Variants in NOD1 observed in about 807,000 individuals in gnomAD.
NOD1 encodes nucleotide-binding oligomerization domain-containing protein 1.
In NOD1, 70 loss-of-function variants were observed where a neutral mutation model predicts 81.2. The ratio of observed to expected loss-of-function variants is 0.86; its 90% CI spans 0.71 to 1.05. NOD1 has a LOEUF of 1.05. NOD1 is among the 50% of genes least tolerant of loss of function. NOD1 has a pLI of 0.00. For synonymous variants in NOD1, 508 were observed against 526.9 expected (o/e 0.96, Z 0.49); for missense variants, 1,233 against 1,228.0 (o/e 1.00, Z -0.06).
Position 30,437,625 on chromosome 7 carries a change from C to T in NOD1, c.2485G>A (p.Ala829Thr), listed in dbSNP as rs754242215. 6.6e-7 allele frequency: 1 copy of T among 1,511,520 alleles called. No individual in the cohort carries two copies. The highest frequency in any genetic ancestry group is 8.8e-7 in the Non-Finnish European group (1 of 1,142,526). 93.6% of individuals were successfully genotyped at this position (1,511,520 alleles called of 1,614,324 possible). ...MWGNQVGDEG[A>T]KAFAEALRNH... Reference sequence around the variant, plus strand: ...CGCAGAGCCTCTGCGAAGGCTTTTGCTCCTTCATCCCCAACTTGATTGCCC... The same window carrying T: ...CGCAGAGCCTCTGCGAAGGCTTTTGTTCCTTCATCCCCAACTTGATTGCCC... Residue 829 changes from alanine to threonine, a missense_variant, in exon 10 of 14, where the codon GCA (alanine) becomes ACA (threonine). By Grantham distance (58) the Ala-to-Thr change is moderately conservative. Coordinates refer to ENST00000222823, the MANE Select transcript of NOD1 (RefSeq NM_006092.4).
Position 30,425,561 on chromosome 7 carries a change from G to T in NOD1, c.*77C>A. 1 of 1,062,080 alleles carries T rather than the reference G, an allele frequency of 9.4e-7. No homozygotes were observed. Among genetic ancestry groups the T allele is most frequent in the Non-Finnish European group, 1.5e-6 (1 of 676,162 alleles). The allele number at this position is 1,062,080 out of a possible 1,614,324, so 65.8% of individuals were successfully genotyped here. A position where few individuals can be genotyped will look rare whatever the true frequency, so the allele number is the denominator to read the frequency against. Reference sequence around the variant, plus strand: ...CCTGCGCAGGCCCCTTTAAGACACTGACACAAAAGACTGCCCAGAGTGGCA... The same window carrying T: ...CCTGCGCAGGCCCCTTTAAGACACTTACACAAAAGACTGCCCAGAGTGGCA... On this transcript the variant is annotated 3_prime_UTR_variant, in exon 14 of 14. Coordinates refer to ENST00000222823, the MANE Select transcript of NOD1 (RefSeq NM_006092.4).
chr7:30,475,047 T>A (rs571032132), intron 1 of NOD1, among the ~76,000 whole-genome samples: 3 of 152,224 alleles, frequency 2.0e-5, no homozygotes, highest in Non-Finnish European at 4.4e-5. Context: ...TAGGCAGCAA[T>A]CTGGGCATGT....
intron 6 of NOD1, among the ~76,000 whole-genome samples, chr7:30,449,397 C>A (rs1785451102): frequency 6.6e-6 from 1 of 152,144 alleles, no homozygotes; most frequent in Non-Finnish European, 1.5e-5. Context: ...TTAAATTCTG[C>A]CCATACCATT....
Position 30,447,048 on chromosome 7 carries a change from A to C in NOD1, c.2288T>G (p.Leu763Ter). Reference protein sequence around the residue: ...TKYKIVTYLGLYNNQITDVGA... With the variant: ...TKYKIVTYLG ...GACATCGGTGATCTGGTTGTTGTAT[A>C]AACTTCAAGAGAAAGCACAGCCATG... The change falls in exon 8 of 14, where the codon TTA (leucine) becomes TGA (stop). Residue 763 changes from leucine to a stop codon, truncating the protein, a stop_gained and splice_region_variant. Transcript: ENST00000222823. LOFTEE classifies it high-confidence loss of function. 2 of 1,614,026 alleles carry C rather than the reference A, an allele frequency of 1.2e-6. No homozygotes were observed. The highest frequency in any genetic ancestry group is 1.7e-6 in the Non-Finnish European group (2 of 1,179,888).
chr7:30,447,492 G>C (rs560011801), intron 7 of NOD1: 1 of 234,250 alleles, frequency 4.3e-6, no homozygotes. Flanking sequence ...CCATCTCACC[G>C]CTCAATGCCA....
rs1374526740 is a variant in NOD1, at chr7:30,425,384, T to A, written c.*254A>T. The A allele has an allele frequency of 2.0e-6, 1 of 507,298 alleles. No homozygotes were observed. Among genetic ancestry groups the A allele is most frequent in the African/African-American group, 1.9e-5 (1 of 52,236 alleles). The allele number at this position is 507,298 out of a possible 1,614,324, so 31.4% of individuals were successfully genotyped here. Reference sequence around the variant, plus strand: ...AATAATTATAATAGGCAATAAAGTCTCTTCACAGTGTATTTACTGTAACTA... The same window carrying A: ...AATAATTATAATAGGCAATAAAGTCACTTCACAGTGTATTTACTGTAACTA... On this transcript the variant is annotated 3_prime_UTR_variant, in exon 14 of 14. Coordinates refer to ENST00000222823, the MANE Select transcript of NOD1 (RefSeq NM_006092.4).
Position 30,425,275 on chromosome 7 carries a change from T to C in NOD1, c.*363A>G, listed in dbSNP as rs970609898. 1 of 234,490 alleles carries C rather than the reference T, an allele frequency of 4.3e-6. No individual in the cohort carries two copies. The highest frequency in any genetic ancestry group is 2.3e-5 in the African/African-American group (1 of 44,432). The allele number at this position is 234,490 out of a possible 1,614,324, so 14.5% of individuals were successfully genotyped here. On this transcript the variant is annotated 3_prime_UTR_variant, in exon 14 of 14. Transcript: ENST00000222823. ...AAGAGCGGTGACCAACTCGCTCCCG[T>C]TGGTCCCTATGGCAGGTGTTGGAAT...
intron 6 of NOD1, among the ~76,000 whole-genome samples, chr7:30,449,606 G>C (rs1466897367): frequency 6.6e-6 from 1 of 152,226 alleles, no homozygotes; most frequent in African/African-American, 2.4e-5. Context: ...AGGCAGAAGA[G>C]AGCCTGGGCT....
At chr7:30,469,320 A>T in intron 1 of NOD1, 2 of 840,926 alleles carry the variant, frequency 2.4e-6, no homozygotes, top group Non-Finnish European at 2.9e-6. Flanking sequence ...ATCTGAAAGC[A>T]CTTAATCCCT....
At chr7:30,469,465 G>A (rs1788049064) in intron 1 of NOD1, among the ~76,000 whole-genome samples, 1 of 152,044 alleles carries the variant, frequency 6.6e-6, no homozygotes, top group South Asian at 2.1e-4. Context: ...TATAGTGTGA[G>A]CTCCAGACAC....
intron 1 of NOD1, among the ~76,000 whole-genome samples, chr7:30,472,447 G>C (rs1161794737): frequency 6.6e-6 from 1 of 152,204 alleles, no homozygotes; most frequent in Non-Finnish European, 1.5e-5. Flanking sequence ...GTTCTGCTCT[G>C]ATCTCCTGTC....
At position 30,433,127 on chromosome 7, in the gene NOD1, A is replaced by G. The variant is rs770950832; in HGVS notation, c.2674T>C (p.Leu892=). The G allele has an allele frequency of 2.5e-6, 4 of 1,614,078 alleles. No homozygotes were observed. Among genetic ancestry groups the G allele is most frequent in the Non-Finnish European group, 3.4e-6 (4 of 1,179,910 alleles). The change falls in exon 12 of 14, where the codon TTG becomes CTG. Residue 892 remains leucine, a synonymous_variant. Transcript: ENST00000222823. ...DEVAESLAEM[L]KVNQTLKHLW... Reference sequence around the variant, plus strand: ...TGCTTTAACGTCTGGTTGACTTTCAACATTTCTGCCAAACTCTCTGCCACT... The same window carrying G: ...TGCTTTAACGTCTGGTTGACTTTCAGCATTTCTGCCAAACTCTCTGCCACT...
intron 1 of NOD1, among the ~76,000 whole-genome samples, chr7:30,461,451 T>G (rs1364690208): frequency 6.6e-6 from 1 of 152,232 alleles, no homozygotes; most frequent in African/African-American, 2.4e-5. Context: ...GTGCTGGGAT[T>G]ACAGGTGTGA....
intron 11 of NOD1, among the ~76,000 whole-genome samples, chr7:30,435,250 A>C (rs939130647): frequency 1.3e-5 from 2 of 152,194 alleles, no homozygotes; most frequent in African/African-American, 4.8e-5. Flanking sequence ...CAAGTGACAG[A>C]TGAGCTGGAT....
intron 1 of NOD1, chr7:30,468,854 T>C (rs1429685907): frequency 3.0e-6 from 3 of 985,322 alleles, no homozygotes; most frequent in Non-Finnish European, 3.6e-6. Flanking sequence ...GTAAAGAAGA[T>C]AATTATACTC....
At chr7:30,438,485 CA>C (rs531685036) in intron 9 of NOD1, among the ~76,000 whole-genome samples, 10 of 152,216 alleles carry the variant, frequency 6.6e-5, no homozygotes, top group Non-Finnish European at 1.5e-4. Context: ...GTGGCTCACA[CA>C]AAGCGTTGGC....
chr7:30,476,827 GGGGCA>G (rs1166208459), intron 1 of NOD1, among the ~76,000 whole-genome samples: 3 of 152,200 alleles, frequency 2.0e-5, no homozygotes, highest in African/African-American at 7.2e-5. Flanking sequence ...GGCCCTGAGC[GGGGCA>G]GCAGGGCAGG....
At chr7:30,427,154 G>A (rs1783528001) in intron 13 of NOD1, among the ~76,000 whole-genome samples, 1 of 152,126 alleles carries the variant, frequency 6.6e-6, no homozygotes, top group Non-Finnish European at 1.5e-5. Flanking sequence ...CTAGTCCCTA[G>A]GACCTTGACT....
chr7:30,447,396 G>A, intron 7 of NOD1: 2 of 306,306 alleles, frequency 6.5e-6, no homozygotes, highest in Non-Finnish European at 1.3e-5. Context: ...ACTGGCAGGT[G>A]ATGGGTATTT....
Sources: gnomAD v4.1 joint callset for allele counts (sites outside exome capture counted in the v4.1 genomes callset) on GRCh38, gnomAD v4.1.1 for gene constraint, MANE v1.5 for transcripts, NCBI Gene and HGNC (gene_info 2026-07-23, HGNC 2026-07-21) for gene names.